Variants in ARHGEF3 observed in about 807,000 individuals in gnomAD.
ARHGEF3 encodes the protein 59.8 kDA protein.
Under a neutral mutation model 63.2 loss-of-function variants are expected in ARHGEF3, and 28 were observed. The ratio of observed to expected loss-of-function variants is 0.44; its 90% confidence interval spans 0.33 to 0.61. The LOEUF (loss-of-function observed/expected upper bound fraction) is 0.61, where lower values mean the gene tolerates loss of function less well. Among genes scored for constraint, ARHGEF3 ranks in the 20% least tolerant of loss-of-function variants. The pLI is 0.03. For missense variants in ARHGEF3, 533 were observed against 659.3 expected, an observed-to-expected ratio of 0.81 and a Z score of 2.10; for synonymous variants, 266 against 254.2, an observed-to-expected ratio of 1.05 and a Z score of -0.44.
At chr3:56,999,374 T>C (rs1409035222) in intron 2 of ARHGEF3, among the ~76,000 whole-genome samples, 1 of 152,208 alleles carries the variant, frequency 6.6e-6, no homozygotes, top group Non-Finnish European at 1.5e-5. Flanking sequence ...ATCATACACT[T>C]ATCTAAGACA....
At chr3:56,916,854 C>G (rs992695778) in intron 3 of ARHGEF3, among the ~76,000 whole-genome samples, 3 of 152,118 alleles carry the variant, frequency 2.0e-5, no homozygotes, top group Non-Finnish European at 2.9e-5. Context: ...TAGCCCTGTC[C>G]GGGATACAGA....
At chr3:56,743,993 AC>A (rs2034212053) in intron 7 of ARHGEF3, among the ~76,000 whole-genome samples, 1 of 151,704 alleles carries the variant, frequency 6.6e-6, no homozygotes, top group Non-Finnish European at 1.5e-5. Context: ...TTAGAAACCA[AC>A]CAACAAACAA....
At chr3:56,870,300 G>A (rs746668354) in intron 4 of ARHGEF3, among the ~76,000 whole-genome samples, 18 of 151,992 alleles carry the variant, frequency 1.2e-4, no homozygotes, top group South Asian at 2.1e-4. Context: ...AAAAAGTAGC[G>A]AATTACCAAG....
chr3:57,061,226 T>C (rs1705207122), intron 1 of ARHGEF3, among the ~76,000 whole-genome samples: 1 of 152,242 alleles, frequency 6.6e-6, no homozygotes, highest in South Asian at 2.1e-4. Context: ...CTTTTGTGAC[T>C]GACTTTTCTC....
intron 4 of ARHGEF3, among the ~76,000 whole-genome samples, chr3:56,812,812 C>T (rs760287227): frequency 3.3e-5 from 5 of 152,220 alleles, no homozygotes; most frequent in Non-Finnish European, 4.4e-5. Flanking sequence ...AACTTCTCTG[C>T]TAGCTGCTCC....
At chr3:56,867,460 T>TTTA (rs1491306876) in intron 4 of ARHGEF3, among the ~76,000 whole-genome samples, 2 of 45,174 alleles carry the variant, frequency 4.4e-5, no homozygotes, top group African/African-American at 1.9e-4. Context: ...TAAAATGCTA[T>TTTA]TTATTTATTT....
rs149533457 is a variant in ARHGEF3 at position 56,864,225 on chromosome 3, C to T, written c.192+18067G>A. Among the ~76,000 whole-genome samples, 181 of 152,298 alleles carry T rather than the reference C, an allele frequency of 1.2e-3. 1 individual carries two copies. Among genetic ancestry groups the T allele is most frequent in the African/African-American group, 3.9e-3 (160 of 41,542 alleles). Reference sequence around the variant, plus strand: ...ATAAAGATGCAAATCTTGGGCATAGCCTTTGAAGCTATGTGTGGTCTGGTT... The same window carrying T: ...ATAAAGATGCAAATCTTGGGCATAGTCTTTGAAGCTATGTGTGGTCTGGTT... On this transcript the variant is annotated intron_variant, in intron 4 of 12. Transcript: ENST00000338458.
intron 4 of ARHGEF3, among the ~76,000 whole-genome samples, chr3:56,842,738 G>A (rs1313260129): frequency 1.3e-5 from 2 of 152,122 alleles, no homozygotes; most frequent in African/African-American, 4.8e-5. Context: ...GGCTCATCAC[G>A]GAACTCTCCC....
chr3:57,073,318 T>C (rs1706036694), intron 1 of ARHGEF3: 2 of 182,700 alleles, frequency 1.1e-5, no homozygotes, highest in Admixed American at 1.1e-4. Context: ...TATGTTTACG[T>C]TTATGTTCAA....
rs774538385 is a variant in ARHGEF3 at position 56,991,016 on chromosome 3, G to T, written c.63-32127C>A. Among the ~76,000 whole-genome samples, 3 of 152,130 alleles carry T rather than the reference G, an allele frequency of 2.0e-5. No individual in the cohort carries two copies. In the South Asian group the frequency reaches 6.2e-4, roughly 32 times the overall value. On this transcript the variant is annotated intron_variant, in intron 2 of 12. Coordinates refer to the ARHGEF3 transcript ENST00000338458. ...TTCCCCTCCCTTTGTCCTAATCACC[G>T]AATTCTCCCTTGTTCTTAAGACCCA...
intron 4 of ARHGEF3, among the ~76,000 whole-genome samples, chr3:56,879,803 C>G (rs192236562): frequency 1.5e-3 from 234 of 152,310 alleles, no homozygotes; most frequent in Non-Finnish European, 2.7e-3. Context: ...CCCACAGAGG[C>G]CATTTACTTA....
chr3:56,746,179 A>G (rs1449664461), intron 6 of ARHGEF3, among the ~76,000 whole-genome samples: 1 of 152,228 alleles, frequency 6.6e-6, no homozygotes, highest in African/African-American at 2.4e-5. Context: ...ACCAGAAGCA[A>G]TCAAATGCAG....
intron 2 of ARHGEF3, among the ~76,000 whole-genome samples, chr3:56,965,624 T>C (rs1188297320): frequency 6.6e-6 from 1 of 150,722 alleles, no homozygotes; most frequent in Non-Finnish European, 1.5e-5. Context: ...GATAAGGAAG[T>C]AGATTAAATG....
At chr3:56,931,946 T>C (rs988772023) in intron 3 of ARHGEF3, among the ~76,000 whole-genome samples, 4 of 152,216 alleles carry the variant, frequency 2.6e-5, no homozygotes, top group African/African-American at 9.6e-5. Context: ...AAGTAAGATT[T>C]ATGGGGTTTT....
At chr3:56,800,771 C>G (rs13098914) in intron 1 of ARHGEF3, among the ~76,000 whole-genome samples, 1 of 151,958 alleles carries the variant, frequency 6.6e-6, no homozygotes, top group Admixed American at 6.6e-5. Flanking sequence ...GGAAAGCTCC[C>G]AGATACACGC....
chr3:56,889,506 T>TA (rs1362540141), intron 3 of ARHGEF3, among the ~76,000 whole-genome samples: 2 of 152,212 alleles, frequency 1.3e-5, no homozygotes, highest in African/African-American at 4.8e-5. Context: ...TTGTGCCATT[T>TA]AAGCTTCTCC....
intron 1 of ARHGEF3, among the ~76,000 whole-genome samples, chr3:57,066,463 A>G (rs1250594637): frequency 2.0e-5 from 3 of 152,084 alleles, no homozygotes; most frequent in African/African-American, 4.8e-5. Context: ...GGGTTTCACC[A>G]TGTTGGCTAG....
At chr3:57,035,123 T>C (rs965881465) in exon 2 of ARHGEF3, 3 of 1,549,024 alleles carry the variant, frequency 1.9e-6, no homozygotes, top group African/African-American at 1.4e-5. Flanking sequence ...TACAGCTGCA[T>C]TGATTCATTG....
chr3:57,071,585 G>T (rs915036334), intron 1 of ARHGEF3, among the ~76,000 whole-genome samples: 9 of 151,586 alleles, frequency 5.9e-5, no homozygotes, highest in Non-Finnish European at 5.9e-5. Context: ...ATTTGAAACC[G>T]GAAGGTGGAG....
Sources: allele counts gnomAD v4.1 joint callset (sites outside exome capture counted in the v4.1 genomes callset), GRCh38; gene constraint gnomAD v4.1.1; transcripts MANE v1.5; gene names NCBI Gene and HGNC (gene_info 2026-07-23, HGNC 2026-07-21).